CGNL1: variants seen among roughly 807,000 people sequenced by gnomAD.
The protein encoded by CGNL1 is cingulin like 1.
In CGNL1, 132 loss-of-function variants were observed where a neutral mutation model predicts 141.2. The ratio of observed to expected loss-of-function variants is 0.93; its 90% CI spans 0.81 to 1.08. CGNL1 has a LOEUF of 1.08. Among genes scored for constraint, CGNL1 ranks in the 50% least tolerant of loss-of-function variants. The pLI, the probability that CGNL1 is intolerant of heterozygous loss-of-function variation, is 0.00. For synonymous variants in CGNL1, 690 were observed against 622.1 expected (o/e 1.11, Z -1.63); for missense variants, 1,870 against 1,588.6 (o/e 1.18, Z -3.01).
At chr15:57,515,483 A>G (rs1447127446) in intron 8 of CGNL1, among the ~76,000 whole-genome samples, 3 of 152,152 alleles carry the variant, frequency 2.0e-5, no homozygotes, top group Non-Finnish European at 1.5e-5. Context: ...TAAAAGCCTA[A>G]CCTTGTCCTC....
intron 1 of CGNL1, among the ~76,000 whole-genome samples, chr15:57,389,878 C>T (rs1379706013): frequency 1.2e-5 from 1 of 82,610 alleles, no homozygotes; most frequent in Non-Finnish European, 2.3e-5. Flanking sequence ...ACAGTGGTGC[C>T]ACCTTGGCTC....
chr15:57,470,256 CT>C (rs60982599), intron 8 of CGNL1, among the ~76,000 whole-genome samples: 15,672 of 113,920 alleles, frequency 0.14, 1,054 homozygotes, highest in South Asian at 0.23. Flanking sequence ...TTTTGTCTCT[CT>C]TTTTTTTTTT....
intron 8 of CGNL1, among the ~76,000 whole-genome samples, chr15:57,513,350 G>A (rs1404046977): frequency 1.3e-5 from 2 of 151,718 alleles, no homozygotes; most frequent in African/African-American, 4.8e-5. Context: ...ATGTTGTGGT[G>A]TGTGTCAGTA....
intron 14 of CGNL1, among the ~76,000 whole-genome samples, chr15:57,533,997 C>G (rs62000315): frequency 0.33 from 50,609 of 152,038 alleles, 9,122 homozygotes; most frequent in Non-Finnish European, 0.41. Flanking sequence ...GTCCCAGCCT[C>G]TCTGAGCTCA....
intron 10 of CGNL1, among the ~76,000 whole-genome samples, chr15:57,518,966 A>G (rs1595789953): frequency 6.6e-6 from 1 of 152,250 alleles, no homozygotes; most frequent in Non-Finnish European, 1.5e-5. Flanking sequence ...GGCAGAAGCC[A>G]ATTTCCTTTC....
intron 3 of CGNL1, among the ~76,000 whole-genome samples, 191 bp from the exon 4 acceptor site, chr15:57,442,182 G>GAATAAAAAAA (rs1555435745): frequency 1.0e-5 from 1 of 96,528 alleles, no homozygotes; most frequent in Non-Finnish European, 2.0e-5. Context: ...TCATTTATTT[G>GAATAAAAAAA]AAAAAAAAAA....
chr15:57,480,903 C>G lies in CGNL1; in HGVS notation c.2403+19011C>G, dbSNP rs190996682. Among the ~76,000 whole-genome samples the G allele has an allele frequency of 2.0e-5, 3 of 152,208 alleles. No individual in the cohort carries two copies. The East Asian group carries it at 5.8e-4, about 29-fold the overall frequency. On this transcript the variant is annotated intron_variant, in intron 8 of 18. Coordinates refer to ENST00000281282, the MANE Select transcript of CGNL1 (RefSeq NM_032866.5). ...CCATCCCCCTTCCTCTTGAAACCAA[C>G]TTTGTTTGATATGTCATTGTAGATT...
chr15:57,456,001 G>C (rs2063374896), intron 7 of CGNL1, among the ~76,000 whole-genome samples: 1 of 152,180 alleles, frequency 6.6e-6, no homozygotes. Context: ...AGTGTAATTA[G>C]TCTCCCTAGG....
chr15:57,431,516 A>G (rs1250386717), intron 1 of CGNL1, among the ~76,000 whole-genome samples: 1 of 152,142 alleles, frequency 6.6e-6, no homozygotes, highest in East Asian at 1.9e-4. Context: ...TGATCTTTCA[A>G]TTTCATCTGG....
At chr15:57,518,178 G>A (rs2030975634) in intron 9 of CGNL1, among the ~76,000 whole-genome samples, 1 of 152,074 alleles carries the variant, frequency 6.6e-6, no homozygotes. Flanking sequence ...GAGATAATGT[G>A]GATGTTCACA....
intron 8 of CGNL1, among the ~76,000 whole-genome samples, chr15:57,494,347 C>T (rs1160679845): frequency 1.3e-5 from 2 of 152,126 alleles, no homozygotes; most frequent in Admixed American, 6.5e-5. Context: ...GTGGAGTTCT[C>T]GTTCTCTTCT....
intron 1 of CGNL1, among the ~76,000 whole-genome samples, chr15:57,397,970 A>G (rs1418777725): frequency 1.3e-5 from 2 of 151,910 alleles, no homozygotes; most frequent in South Asian, 2.1e-4. Context: ...TTCAGTAGAG[A>G]TGGGGTTTCT....
rs376081414 is a variant in CGNL1, at chr15:57,438,858, G to A, written c.859G>A (p.Val287Ile). 3 of 1,614,160 alleles carry A rather than the reference G, an allele frequency of 1.9e-6. No individual in the cohort carries two copies. Among genetic ancestry groups the A allele is most frequent in the Middle Eastern group, 1.6e-4 (1 of 6,062 alleles). Residue 287 changes from valine to isoleucine, a missense_variant, in exon 2 of 19, where the codon GTC becomes ATC. Transcript: ENST00000281282. The stretch of plus-strand genomic sequence containing the variant: ...CCGGCGACAGGATTCAGCGGGACCC[G>A]TCCTGGATGGAGCTCGGTCCCGGAG... ...PFRRQDSAGP[V>I]LDGARSRRSS...
At chr15:57,530,234 C>A (rs1431009062) in intron 13 of CGNL1, among the ~76,000 whole-genome samples, 1 of 152,216 alleles carries the variant, frequency 6.6e-6, no homozygotes, top group African/African-American at 2.4e-5. Context: ...AGGTCATTTC[C>A]ACTGCTATAT....
intron 1 of CGNL1, among the ~76,000 whole-genome samples, chr15:57,389,600 T>C (rs1664457): frequency 0.62 from 94,011 of 151,820 alleles, 29,536 homozygotes; most frequent in East Asian, 0.85. Flanking sequence ...TTACTCAGTG[T>C]CCTGTGGGCC....
Position 57,438,137 on chromosome 15 carries a change from C to T in CGNL1, c.138C>T (p.Val46=). The change falls in exon 2 of 19, where the codon GTC becomes GTT. Residue 46 remains valine, a synonymous_variant. Coordinates refer to ENST00000281282, the MANE Select transcript of CGNL1 (RefSeq NM_032866.5). ...GCTCCTACGGTGTCAGTATTCGGGTCCAGGGAATTGATGGTCACCCCTATA... is the reference window on the plus strand; with the variant it reads ...GCTCCTACGGTGTCAGTATTCGGGTTCAGGGAATTGATGGTCACCCCTATA... ...KAGSYGVSIR[V]QGIDGHPYIV... 4 of 1,614,116 alleles carry T rather than the reference C, an allele frequency of 2.5e-6. No individual in the cohort carries two copies. The South Asian group carries it at 3.3e-5, about 13-fold the overall frequency.
intron 8 of CGNL1, among the ~76,000 whole-genome samples, chr15:57,493,365 A>T (rs1436762255): frequency 6.6e-6 from 1 of 152,152 alleles, no homozygotes; most frequent in East Asian, 1.9e-4. Flanking sequence ...CTTTCTAGTG[A>T]TGGATGACAG....
intron 8 of CGNL1, among the ~76,000 whole-genome samples, chr15:57,470,954 C>T (rs2063574197): frequency 6.6e-6 from 1 of 152,214 alleles, no homozygotes; most frequent in Admixed American, 6.5e-5. Context: ...AAACGTTCCT[C>T]TTCGAAGAAC....
At chr15:57,493,012 G>A (rs2063888108) in intron 8 of CGNL1, among the ~76,000 whole-genome samples, 1 of 152,166 alleles carries the variant, frequency 6.6e-6, no homozygotes, top group South Asian at 2.1e-4. Flanking sequence ...GTGGGATAAG[G>A]GGACGAGTCT....
Sources: allele counts gnomAD v4.1 joint callset (sites outside exome capture counted in the v4.1 genomes callset), GRCh38; gene constraint gnomAD v4.1.1; transcripts MANE v1.5; gene names NCBI Gene and HGNC (gene_info 2026-07-23, HGNC 2026-07-21).